Variants in SUGCT observed in about 807,000 individuals in gnomAD.
SUGCT encodes the protein succinyl-CoA:glutarate-CoA transferase.
In SUGCT, 41 loss-of-function variants were observed where a neutral mutation model predicts 55.0. The observed-to-expected ratio is 0.74, with a 90% CI of 0.58 to 0.97. The LOEUF is 0.97. SUGCT is among the 50% of genes least tolerant of loss of function. The probability of loss-of-function intolerance (pLI) is 0.00; values close to 1 mark genes in which losing one functional copy is unlikely to be tolerated. For missense variants in SUGCT, 568 were observed against 547.8 expected (o/e 1.04, Z -0.37); for synonymous variants, 187 against 200.4 (o/e 0.93, Z 0.56).
intron 13 of SUGCT, among the ~76,000 whole-genome samples, chr7:40,820,047 T>C (rs186006289): frequency 6.6e-6 from 1 of 152,286 alleles, no homozygotes; most frequent in Admixed American, 6.5e-5. Context: ...TTTGTCAGGT[T>C]TGTCAAAGAA....
At chr7:40,317,457 G>C (rs530705475) in intron 9 of SUGCT, among the ~76,000 whole-genome samples, 322 of 152,292 alleles carry the variant, frequency 2.1e-3, no homozygotes, top group Admixed American at 4.5e-3. Context: ...TTCCAATCCA[G>C]TTGCTTGGTC....
chr7:40,350,632 A>G lies in SUGCT; in HGVS notation c.816+33777A>G, dbSNP rs569292841. 1.2e-3 allele frequency among the ~76,000 whole-genome samples: 176 copies of G among 151,964 alleles called. 1 individual carries two copies. The highest frequency in any genetic ancestry group is 4.1e-3 in the African/African-American group (169 of 41,444). On this transcript the variant is annotated intron_variant, in intron 9 of 13. Coordinates refer to ENST00000335693, the MANE Select transcript of SUGCT (RefSeq NM_001193313.2). ...AGGCATGAGCCACCGTGCCTGGCCTATTATATTTAGATTTTTAAAAAAATT... is the reference window on the plus strand; with the variant it reads ...AGGCATGAGCCACCGTGCCTGGCCTGTTATATTTAGATTTTTAAAAAAATT...
At chr7:40,657,410 A>G (rs1195951399) in intron 12 of SUGCT, among the ~76,000 whole-genome samples, 2 of 152,128 alleles carry the variant, frequency 1.3e-5, no homozygotes, top group African/African-American at 4.8e-5. Flanking sequence ...ACAAACTTAT[A>G]ATTATTAGAT....
At chr7:40,990,960 A>G in the SUGCT span, among the ~76,000 whole-genome samples, 161 of 152,318 alleles carry the variant, frequency 1.1e-3, no homozygotes, top group African/African-American at 3.6e-3. Context: ...GGCCACTCAT[A>G]CTTTCTCCAT....
the SUGCT span, among the ~76,000 whole-genome samples, chr7:40,988,017 G>A: frequency 1.3e-5 from 2 of 151,738 alleles, no homozygotes; most frequent in African/African-American, 4.8e-5. Context: ...TGGATCCAGG[G>A]AGTGGAATGA....
chr7:40,894,330 A>C, the SUGCT span, among the ~76,000 whole-genome samples: 1 of 152,244 alleles, frequency 6.6e-6, no homozygotes, highest in Non-Finnish European at 1.5e-5. Context: ...GATGAACTAA[A>C]GAAGTAAATG....
chr7:40,246,211 T>C (rs1346302523), intron 7 of SUGCT, among the ~76,000 whole-genome samples: 1 of 152,102 alleles, frequency 6.6e-6, no homozygotes, highest in Non-Finnish European at 1.5e-5. Flanking sequence ...TGATACTATA[T>C]GCTAGCTTAA....
At chr7:40,985,836 CT>C in the SUGCT span, among the ~76,000 whole-genome samples, 1 of 152,104 alleles carries the variant, frequency 6.6e-6, no homozygotes, top group Non-Finnish European at 1.5e-5. Flanking sequence ...AAAAGCAGCC[CT>C]TCTGGATAGT....
At chr7:41,011,862 T>A in the SUGCT span, among the ~76,000 whole-genome samples, 1 of 152,108 alleles carries the variant, frequency 6.6e-6, no homozygotes, top group Admixed American at 6.5e-5. Flanking sequence ...GGTGGGAAAA[T>A]TCCTGCTGTT....
intron 13 of SUGCT, among the ~76,000 whole-genome samples, chr7:40,833,975 G>A (rs1332818022): frequency 6.6e-6 from 1 of 152,186 alleles, no homozygotes; most frequent in Non-Finnish European, 1.5e-5. Flanking sequence ...AAATGCTAGA[G>A]TTGCCCACTG....
intron 7 of SUGCT, among the ~76,000 whole-genome samples, chr7:40,241,535 C>T (rs1003804524): frequency 2.0e-5 from 3 of 150,114 alleles, no homozygotes; most frequent in South Asian, 2.1e-4. Flanking sequence ...CCCAAGATTG[C>T]ACCACTGCCC....
intron 12 of SUGCT, among the ~76,000 whole-genome samples, chr7:40,557,823 A>G (rs748989051): frequency 6.6e-6 from 1 of 151,912 alleles, no homozygotes; most frequent in Non-Finnish European, 1.5e-5. Context: ...CAAAAGGACA[A>G]CCCACAGAAT....
At chr7:40,785,983 T>G (rs1375539745) in intron 13 of SUGCT, among the ~76,000 whole-genome samples, 4 of 152,094 alleles carry the variant, frequency 2.6e-5, no homozygotes, top group Non-Finnish European at 5.9e-5. Context: ...TCTGCAGTCC[T>G]AGCTACTCAG....
intron 9 of SUGCT, among the ~76,000 whole-genome samples, chr7:40,379,796 C>G (rs1562731741): frequency 6.6e-6 from 1 of 152,174 alleles, no homozygotes. Context: ...ATTGTAGGCC[C>G]TTCTCAAGTT....
At chr7:40,176,802 G>A (rs1029706761) in intron 1 of SUGCT, among the ~76,000 whole-genome samples, 5 of 151,624 alleles carry the variant, frequency 3.3e-5, no homozygotes, top group Admixed American at 1.3e-4. Context: ...GCGAAACCCC[G>A]TCTCTACTAA....
At chr7:40,533,412 A>G (rs1428737174) in intron 12 of SUGCT, among the ~76,000 whole-genome samples, 1 of 152,048 alleles carries the variant, frequency 6.6e-6, no homozygotes, top group Non-Finnish European at 1.5e-5. Context: ...TAATATTTAT[A>G]TTTTACTATA....
At chr7:40,875,994 C>T in the SUGCT span, among the ~76,000 whole-genome samples, 5 of 152,272 alleles carry the variant, frequency 3.3e-5, no homozygotes, top group Admixed American at 2.6e-4. Flanking sequence ...AAATCAATAC[C>T]AAGGATAGCA....
At chr7:40,833,407 G>GT (rs1792800125) in intron 13 of SUGCT, among the ~76,000 whole-genome samples, 1 of 152,112 alleles carries the variant, frequency 6.6e-6, no homozygotes, top group African/African-American at 2.4e-5. Flanking sequence ...ACTGACTCCT[G>GT]TTAAATGACT....
chr7:40,945,787 A>T, the SUGCT span, among the ~76,000 whole-genome samples: 1 of 152,102 alleles, frequency 6.6e-6, no homozygotes, highest in African/African-American at 2.4e-5. Flanking sequence ...GGGCCAAACT[A>T]CTGTGAATGC....
Sources: allele counts gnomAD v4.1 joint callset (sites outside exome capture counted in the v4.1 genomes callset), GRCh38; gene constraint gnomAD v4.1.1; transcripts MANE v1.5; gene names NCBI Gene and HGNC (gene_info 2026-07-23, HGNC 2026-07-21).